FKBP5: variants seen among roughly 807,000 people sequenced by gnomAD.
The protein encoded by FKBP5 is peptidyl-prolyl cis-trans isomerase FKBP5.
A neutral mutation model predicts 50.5 loss-of-function variants in FKBP5; 23 were observed. The observed-to-expected ratio is 0.46, with a 90% CI of 0.33 to 0.65. The LOEUF (loss-of-function observed/expected upper bound fraction) is 0.65. Ranked by LOEUF, FKBP5 falls within the 30% of genes least tolerant of loss-of-function variation. The pLI is 0.02. For synonymous variants in FKBP5, 176 were observed against 190.6 expected (o/e 0.92, Z 0.63); for missense variants, 411 against 553.1 (o/e 0.74, Z 2.58).
intron 1 of FKBP5, among the ~76,000 whole-genome samples, chr6:35,667,742 G>A (rs374976390): frequency 3.3e-5 from 5 of 152,226 alleles, no homozygotes; most frequent in East Asian, 3.9e-4. Context: ...TCAGCCAGGC[G>A]TGGTGGCGGG....
At chr6:35,595,274 A>C (rs1341622281) in intron 6 of FKBP5, among the ~76,000 whole-genome samples, 7 of 152,262 alleles carry the variant, frequency 4.6e-5, no homozygotes, top group South Asian at 4.1e-4. Flanking sequence ...ATCTGTCCCC[A>C]CAATTGCCTT....
chr6:35,595,280 G>A (rs948200536), intron 6 of FKBP5, among the ~76,000 whole-genome samples: 1 of 152,120 alleles, frequency 6.6e-6, no homozygotes, highest in African/African-American at 2.4e-5. Context: ...CCCCACAATT[G>A]CCTTGTCAGC....
rs1231203076 is a variant in FKBP5, at chr6:35,577,046, T to C, written c.1214A>G (p.Asp405Gly). The change falls in exon 10 of 11, where the codon GAC becomes GGC. Residue 405 changes from aspartate (D) to glycine (G), a missense_variant. Transcript: ENST00000357266. ...QKKAKEHNER[D>G]RRIYANMFKK... ...GAACATGTTGGCGTATATCCTGCGG[T>C]CCCGCTCGTTGTGCTCCTTGGCCTT... The C allele has an allele frequency of 5.0e-6, 8 of 1,614,116 alleles. No individual in the cohort carries two copies. Among genetic ancestry groups the C allele is most frequent in the Admixed American group, 1.7e-5 (1 of 60,004 alleles).
chr6:35,674,578 A>C (rs1765478061), intron 1 of FKBP5, among the ~76,000 whole-genome samples: 1 of 152,200 alleles, frequency 6.6e-6, no homozygotes, highest in Non-Finnish European at 1.5e-5. Flanking sequence ...TCTGAAATGC[A>C]TTCTCCCTTC....
At chr6:35,659,361 T>C (rs1765037571) in intron 1 of FKBP5, among the ~76,000 whole-genome samples, 1 of 81,714 alleles carries the variant, frequency 1.2e-5, no homozygotes, top group African/African-American at 3.8e-5. Flanking sequence ...GATTCTCCTG[T>C]CTCAGCCTCT....
At chr6:35,721,274 C>T (rs2151024667) in intron 1 of FKBP5, among the ~76,000 whole-genome samples, 1 of 152,036 alleles carries the variant, frequency 6.6e-6, no homozygotes, top group Non-Finnish European at 1.5e-5. Flanking sequence ...ATTGCTTGAA[C>T]TCGAGAGGTG....
At chr6:35,641,349 A>G (rs1451843536) in intron 2 of FKBP5, among the ~76,000 whole-genome samples, 1 of 152,196 alleles carries the variant, frequency 6.6e-6, no homozygotes, top group African/African-American at 2.4e-5. Context: ...TAGAAAGTAT[A>G]GTAAACACAT....
At chr6:35,723,662 T>C (rs1300644201) in intron 1 of FKBP5, among the ~76,000 whole-genome samples, 1 of 151,884 alleles carries the variant, frequency 6.6e-6, no homozygotes, top group Non-Finnish European at 1.5e-5. Flanking sequence ...AAGAAGAAGG[T>C]CAGAAAGACA....
rs1765715084 is a variant in FKBP5, at chr6:35,683,028, C to T, written c.-20+5776G>A. Among the ~76,000 whole-genome samples the T allele has an allele frequency of 2.0e-5, 3 of 149,866 alleles. No individual in the cohort carries two copies. In the South Asian group the frequency reaches 6.3e-4, roughly 31 times the overall value. On this transcript the variant is annotated intron_variant, in intron 1 of 10. Coordinates refer to ENST00000357266, the MANE Select transcript of FKBP5 (RefSeq NM_004117.4). Reference sequence around the variant, plus strand: ...TATGTGTCTGTGTGTATATATATGTCTCTTCCAATCTTTTTCTTAAAAAAA... The same window carrying T: ...TATGTGTCTGTGTGTATATATATGTTTCTTCCAATCTTTTTCTTAAAAAAA...
intron 5 of FKBP5, among the ~76,000 whole-genome samples, chr6:35,609,535 G>C (rs1763428845): frequency 6.6e-6 from 1 of 152,068 alleles, no homozygotes; most frequent in East Asian, 1.9e-4. Context: ...TTCCTCCTGG[G>C]TACCACTATC....
intron 5 of FKBP5, among the ~76,000 whole-genome samples, chr6:35,615,122 G>A (rs1023614216): frequency 7.0e-6 from 1 of 142,240 alleles, no homozygotes; most frequent in Non-Finnish European, 1.5e-5. Flanking sequence ...AGACTCTGTC[G>A]CAAACAACAA....
chr6:35,662,774 T>C (rs1765107657), intron 1 of FKBP5, among the ~76,000 whole-genome samples: 1 of 152,198 alleles, frequency 6.6e-6, no homozygotes, highest in Non-Finnish European at 1.5e-5. Context: ...CCTTAGTTGT[T>C]TGAAAGCCAA....
chr6:35,587,260 T>A, intron 7 of FKBP5, 143 bp from the exon 8 acceptor site: 1 of 732,610 alleles, frequency 1.4e-6, no homozygotes, highest in East Asian at 2.5e-5. Context: ...CAGTGCCAAT[T>A]TACTGCTAGG....
At chr6:35,583,776 G>C in intron 8 of FKBP5, 1 of 985,368 alleles carries the variant, frequency 1.0e-6, no homozygotes, top group Non-Finnish European at 1.2e-6. Context: ...TGCACTAAAG[G>C]AAAGAGATGA....
chr6:35,671,908 G>A (rs1765397839), intron 1 of FKBP5, among the ~76,000 whole-genome samples: 1 of 150,580 alleles, frequency 6.6e-6, no homozygotes, highest in East Asian at 1.9e-4. Flanking sequence ...TCACTCTGTC[G>A]TCTAGGCTGG....
chr6:35,618,943 G>A (rs892989962), intron 5 of FKBP5, among the ~76,000 whole-genome samples, 153 bp downstream of exon 5: 1 of 152,120 alleles, frequency 6.6e-6, no homozygotes, highest in African/African-American at 2.4e-5. Flanking sequence ...CAATCCACCC[G>A]CCTCGACCTC....
chr6:35,620,156 G>A lies in FKBP5; in HGVS notation c.369C>T (p.Pro123=). The A allele has an allele frequency of 1.2e-6, 2 of 1,614,104 alleles. No homozygotes were observed. The highest frequency in any genetic ancestry group is 8.5e-7 in the Non-Finnish European group (1 of 1,180,018). The change falls in exon 4 of 11, where the codon CCC becomes CCT. Residue 123 remains proline, a synonymous_variant. Transcript: ENST00000357266. ...YGSAGSLPKI[P]SNATLFFEIE... Reference sequence around the variant, plus strand: ...CCTCAAAAAAGAGAGTTGCATTCGAGGGAATTTTAGGGAGACTGCCAGCCG... The same window carrying A: ...CCTCAAAAAAGAGAGTTGCATTCGAAGGAATTTTAGGGAGACTGCCAGCCG...
chr6:35,679,806 G>C (rs1765619180), intron 1 of FKBP5, among the ~76,000 whole-genome samples: 1 of 151,990 alleles, frequency 6.6e-6, no homozygotes, highest in Non-Finnish European at 1.5e-5. Context: ...ACTACATATT[G>C]GGTAAAATGT....
intron 3 of FKBP5, among the ~76,000 whole-genome samples, chr6:35,633,075 G>T (rs1174528116): frequency 6.6e-6 from 1 of 151,994 alleles, no homozygotes; most frequent in Non-Finnish European, 1.5e-5. Flanking sequence ...AAATACTGAA[G>T]TCATACTAGA....
Sources: gnomAD v4.1 joint callset for allele counts (sites outside exome capture counted in the v4.1 genomes callset) on GRCh38, gnomAD v4.1.1 for gene constraint, MANE v1.5 for transcripts, NCBI Gene and HGNC (gene_info 2026-07-23, HGNC 2026-07-21) for gene names.